The following DDX3X variants were observed in gnomAD, a reference collection of about 807,000 sequenced individuals.
The protein encoded by DDX3X is ATP-dependent RNA helicase DDX3X.
A neutral mutation model predicts 52.7 loss-of-function variants in DDX3X; 4 were observed. The ratio of observed to expected loss-of-function variants is 0.08; its 90% CI spans 0.04 to 0.17. DDX3X has a LOEUF of 0.17. DDX3X is among the 10% of genes least tolerant of loss of function. The probability of loss-of-function intolerance (pLI) is 1.00; values close to 1 mark genes in which losing one functional copy is unlikely to be tolerated. For missense variants in DDX3X, 222 were observed against 548.6 expected, an observed-to-expected ratio of 0.40 and a Z score of 5.95; for synonymous variants, 192 against 178.1, an observed-to-expected ratio of 1.08 and a Z score of -0.62.
At chrX:41,354,822 TTTGTTGTTGTTG>T (rs200807872), downstream of DDX3X, among the ~76,000 whole-genome samples, 1 of 104,861 alleles carries the variant, frequency 9.5e-6, no homozygotes, top group African/African-American at 3.5e-5. Flanking sequence ...TGTAAATAGT[TTTGTTGTTGTTG>T]TTGTTGTTGT....
chrX:41,344,679 C>G (rs1318425273), intron 10 of DDX3X: 10 of 338,771 alleles, frequency 3.0e-5, no homozygotes, highest in Non-Finnish European at 4.7e-5. Flanking sequence ...CTCAGGTGAT[C>G]CGCCTGCCTT....
intron 5 of DDX3X, among the ~76,000 whole-genome samples, chrX:41,358,204 A>G (rs1317890415): frequency 9.5e-6 from 1 of 104,857 alleles, no homozygotes; most frequent in Non-Finnish European, 1.9e-5. Context: ...CAGCCTCCTG[A>G]GTAGCTGGGA....
intron 12 of DDX3X, 161 bp downstream of exon 12, chrX:41,345,709 C>T (rs1211502750): frequency 4.0e-5 from 18 of 454,979 alleles, no homozygotes; most frequent in Non-Finnish European, 6.6e-5. Flanking sequence ...CCTCCTTAGG[C>T]AACCTGGTGC....
At chrX:41,356,459 T>C (rs968499879) in intron 5 of DDX3X, among the ~76,000 whole-genome samples, 8 of 88,205 alleles carry the variant, frequency 9.1e-5, no homozygotes, top group East Asian at 6.8e-4. Flanking sequence ...TATTTCTTTT[T>C]TTTTTTTTTT....
At chrX:41,341,460 G>A in intron 3 of DDX3X, 24 bp from the exon 4 acceptor site, 3 of 1,165,266 alleles carry the variant, frequency 2.6e-6, no homozygotes, top group Non-Finnish European at 3.5e-6. Flanking sequence ...ATAATAAAAT[G>A]TATTTGTGCT....
intron 4 of DDX3X, chrX:41,342,034 C>T (rs945176810): frequency 1.1e-4 from 17 of 148,877 alleles, no homozygotes; most frequent in Admixed American, 3.8e-4. Flanking sequence ...CTCTTAAAAA[C>T]ATCTTAGTTC....
chrX:41,361,067 T>C (rs2064027789), intron 5 of DDX3X, among the ~76,000 whole-genome samples: 1 of 108,966 alleles, frequency 9.2e-6, no homozygotes, highest in South Asian at 3.9e-4. Context: ...CAAGCCCTCT[T>C]GATCTTATGT....
At chrX:41,355,255 C>T (rs1475158098), downstream of DDX3X, among the ~76,000 whole-genome samples, 1 of 111,732 alleles carries the variant, frequency 8.9e-6, no homozygotes, top group African/African-American at 3.3e-5. Context: ...ACATATGAAC[C>T]TATATACAGG....
At chrX:41,358,063 CTCTTT>C in intron 5 of DDX3X, 1 of 108,703 alleles carries the variant, frequency 9.2e-6, no homozygotes. Flanking sequence ...GAGATAGACA[CTCTTT>C]TTTTTTTTTT....
intron 5 of DDX3X, among the ~76,000 whole-genome samples, chrX:41,361,636 C>T (rs919910523): frequency 3.6e-5 from 4 of 111,612 alleles, no homozygotes; most frequent in African/African-American, 6.5e-5. Flanking sequence ...TCCATGTGCG[C>T]ACACTTCTTG....
intron 3 of DDX3X, chrX:41,341,056 G>C: frequency 4.9e-6 from 1 of 202,260 alleles, no homozygotes; most frequent in Non-Finnish European, 9.0e-6. Flanking sequence ...CGCAATCTTG[G>C]CTCACTGCAA....
intron 3 of DDX3X, chrX:41,339,336 T>C (rs1004348867): frequency 2.4e-5 from 4 of 167,020 alleles, no homozygotes; most frequent in East Asian, 1.3e-4. Flanking sequence ...GTTTCACTAG[T>C]GTTGTGCTGA....
intron 5 of DDX3X, among the ~76,000 whole-genome samples, chrX:41,359,934 A>G (rs921501232): frequency 9.1e-6 from 1 of 109,438 alleles, no homozygotes; most frequent in African/African-American, 3.3e-5. Flanking sequence ...GTGAGCCGAG[A>G]TCGCGCCACT....
chrX:41,337,434 A>G lies in DDX3X; in HGVS notation c.72A>G (p.Ser24=), dbSNP rs1432357199. 5 of 1,209,632 alleles carry G rather than the reference A, an allele frequency of 4.1e-6. No homozygotes were observed. The Admixed American group carries it at 6.5e-5, about 16-fold the overall frequency. Residue 24 remains serine (S), a synonymous_variant, in exon 2 of 17, where the codon TCA becomes TCG. Coordinates refer to ENST00000644876, the MANE Select transcript of DDX3X (RefSeq NM_001356.5). ...TTGCTGGCCTAGACCTGAACTCTTC[A>G]GATAATCAGAGTGGAGGAAGTACAG... is the stretch of plus-strand genomic sequence containing the variant. ...QQFAGLDLNS[S]DNQSGGSTAS...
At chrX:41,358,568 A>G (rs1237361678) in intron 5 of DDX3X, among the ~76,000 whole-genome samples, 6 of 111,337 alleles carry the variant, frequency 5.4e-5, no homozygotes, top group Non-Finnish European at 7.5e-5. Flanking sequence ...TTAATGTCCC[A>G]GGATTTTAAT....
rs767728701 is a variant in DDX3X, at chrX:41,342,387, C to T, written c.285-108C>T. On this transcript the variant is annotated intron_variant, in intron 4 of 16. Transcript: ENST00000644876. ...TAACTCAGAATTGGATTGTTGACATCCTTATGGTTAGCCATAACTTAAGTC... is the reference window on the plus strand; with the variant it reads ...TAACTCAGAATTGGATTGTTGACATTCTTATGGTTAGCCATAACTTAAGTC... 8 of 887,348 alleles carry T rather than the reference C, an allele frequency of 9.0e-6. No homozygotes were observed. In the South Asian group the frequency reaches 1.7e-4, roughly 19 times the overall value. The allele number at this position is 887,348 out of a possible 1,213,427, so 73.1% of individuals were successfully genotyped here.
chrX:41,358,016 C>CTGTA (rs1236059071), intron 5 of DDX3X: 7 of 191,305 alleles, frequency 3.7e-5, no homozygotes, highest in African/African-American at 2.0e-4. Flanking sequence ...CATTCTTAGT[C>CTGTA]TGTAAGCACC....
intron 5 of DDX3X, chrX:41,358,063 CTCTTTT>C: frequency 1.8e-5 from 2 of 108,704 alleles, no homozygotes; most frequent in Non-Finnish European, 1.7e-5. Flanking sequence ...GAGATAGACA[CTCTTTT>C]TTTTTTTTTT....
intron 3 of DDX3X, chrX:41,340,655 A>G (rs2063837436): frequency 3.6e-6 from 1 of 278,813 alleles, no homozygotes; most frequent in Admixed American, 6.4e-5. Context: ...ATTGTCATCA[A>G]GCTTATAGTA....
Sources: gnomAD v4.1 joint callset for allele counts (sites outside exome capture counted in the v4.1 genomes callset) on GRCh38, gnomAD v4.1.1 for gene constraint, MANE v1.5 for transcripts, NCBI Gene and HGNC (gene_info 2026-07-23, HGNC 2026-07-21) for gene names.